STAG1: variants seen among roughly 807,000 people sequenced by gnomAD.
The protein encoded by STAG1 is STAG1 cohesin complex component.
STAG1 carries 26 observed loss-of-function variants against 170.9 expected under a neutral mutation model. The ratio of observed to expected loss-of-function variants is 0.15; its 90% CI spans 0.11 to 0.21. The LOEUF is 0.21. Among genes scored for constraint, STAG1 ranks in the 10% least tolerant of loss-of-function variants. STAG1 has a pLI of 1.00. For synonymous variants in STAG1, 514 were observed against 497.7 expected, an observed-to-expected ratio of 1.03 and a Z score of -0.44; for missense variants, 964 against 1,509.5, an observed-to-expected ratio of 0.64 and a Z score of 5.99.
intron 7 of STAG1, 46 bp downstream of exon 7, chr3:136,521,167 A>T: frequency 6.9e-7 from 1 of 1,453,000 alleles, no homozygotes; most frequent in Non-Finnish European, 9.6e-7. Context: ...AATAAAACAT[A>T]GTCAACAAAA....
intron 1 of STAG1, among the ~76,000 whole-genome samples, chr3:136,734,119 AAAAAC>A (rs760499308): frequency 1.6e-3 from 236 of 147,580 alleles, no homozygotes; most frequent in Middle Eastern, 3.5e-3. Flanking sequence ...AAAAAAAAAA[AAAAAC>A]AAAACAAAAC....
intron 15 of STAG1, among the ~76,000 whole-genome samples, chr3:136,439,361 A>C (rs2088560385): frequency 6.7e-6 from 1 of 149,964 alleles, no homozygotes; most frequent in African/African-American, 2.5e-5. Context: ...TTTATTCAGC[A>C]ACTTGATTTT....
intron 1 of STAG1, among the ~76,000 whole-genome samples, chr3:136,674,663 GT>G (rs1246590730): frequency 6.6e-6 from 1 of 152,120 alleles, no homozygotes; most frequent in South Asian, 2.1e-4. Flanking sequence ...AAATAAAGTT[GT>G]TTTTTAAAAT....
intron 1 of STAG1, among the ~76,000 whole-genome samples, chr3:136,732,359 G>C (rs1050508655): frequency 1.3e-5 from 2 of 151,696 alleles, no homozygotes; most frequent in Non-Finnish European, 2.9e-5. Flanking sequence ...CTTTGCTCTT[G>C]GTTTCATGCC....
At chr3:136,675,579 C>A (rs927140990) in intron 1 of STAG1, among the ~76,000 whole-genome samples, 1 of 152,098 alleles carries the variant, frequency 6.6e-6, no homozygotes, top group Non-Finnish European at 1.5e-5. Flanking sequence ...TAAAATTCAC[C>A]CTTTCAAACT....
At chr3:136,582,107 C>T (rs959811695) in intron 4 of STAG1, among the ~76,000 whole-genome samples, 3 of 149,482 alleles carry the variant, frequency 2.0e-5, no homozygotes, top group Admixed American at 6.8e-5. Context: ...TGACTATATA[C>T]ATTTTACAGT....
At chr3:136,726,783 C>T (rs2107935776) in intron 1 of STAG1, among the ~76,000 whole-genome samples, 1 of 152,274 alleles carries the variant, frequency 6.6e-6, no homozygotes, top group Non-Finnish European at 1.5e-5. Context: ...TCTCATTTCA[C>T]TTATAATAAA....
chr3:136,404,811 A>G (rs1337094648), intron 21 of STAG1, among the ~76,000 whole-genome samples: 1 of 152,142 alleles, frequency 6.6e-6, no homozygotes, highest in African/African-American at 2.4e-5. Context: ...CCTGGAAAAC[A>G]AAGTCTGAAT....
rs556347569 is a variant in STAG1, at chr3:136,587,476, G to A, written c.297+16833C>T. ...AATCGCTTGAACCTGGAAGGTGGAG[G>A]TTGCAGGGAGCCGAGATCACACCAT... On this transcript the variant is annotated intron_variant, in intron 4 of 33. Coordinates refer to ENST00000383202, the MANE Select transcript of STAG1 (RefSeq NM_005862.3). 3.5e-5 allele frequency among the ~76,000 whole-genome samples: 5 copies of A among 142,518 alleles called. No homozygotes were observed. The East Asian group carries it at 1.0e-3, about 29-fold the overall frequency. The allele number at this position is 142,518 out of a possible 152,430, so 93.5% of individuals were successfully genotyped here. A position where few individuals can be genotyped will look rare whatever the true frequency, so the allele number is the denominator to read the frequency against.
At chr3:136,446,976 G>T (rs977665399) in intron 14 of STAG1, among the ~76,000 whole-genome samples, 19 of 147,824 alleles carry the variant, frequency 1.3e-4, no homozygotes, top group African/African-American at 4.7e-4. Flanking sequence ...GCTAATTTTT[G>T]TATTTTTAGT....
At chr3:136,405,366 C>T (rs1462851613) in intron 21 of STAG1, among the ~76,000 whole-genome samples, 8 of 149,338 alleles carry the variant, frequency 5.4e-5, no homozygotes, top group East Asian at 2.0e-4. Flanking sequence ...ATCAGCTTTC[C>T]GAGTAGCTAG....
chr3:136,486,899 T>C (rs1229950992), intron 9 of STAG1, among the ~76,000 whole-genome samples: 1 of 150,630 alleles, frequency 6.6e-6, no homozygotes, highest in African/African-American at 2.4e-5. Flanking sequence ...CTATGCCTAA[T>C]TTCTAACGTC....
At chr3:136,581,426 G>T (rs2107779390) in intron 4 of STAG1, among the ~76,000 whole-genome samples, 1 of 152,028 alleles carries the variant, frequency 6.6e-6, no homozygotes, top group Admixed American at 6.6e-5. Context: ...ATTTTAAAAA[G>T]ATTTTTAAAG....
At chr3:136,466,574 ACT>A (rs943691764) in intron 12 of STAG1, among the ~76,000 whole-genome samples, 3 of 152,196 alleles carry the variant, frequency 2.0e-5, no homozygotes, top group East Asian at 1.9e-4. Context: ...GTTGGAAAAC[ACT>A]CTGCAGGATA....
At chr3:136,559,127 A>ATCTG (rs1217460104) in intron 5 of STAG1, among the ~76,000 whole-genome samples, 8 of 134,270 alleles carry the variant, frequency 6.0e-5, no homozygotes, top group African/African-American at 2.5e-4. Context: ...TGAACTACCT[A>ATCTG]TCTATCTATC....
intron 6 of STAG1, among the ~76,000 whole-genome samples, chr3:136,522,891 C>T (rs1934757936): frequency 6.6e-6 from 1 of 152,162 alleles, no homozygotes; most frequent in Non-Finnish European, 1.5e-5. Context: ...CTACAAAGGA[C>T]ATGAACTCAT....
Position 136,639,478 on chromosome 3 carries a change from A to G in STAG1, c.-83-8497T>C, listed in dbSNP as rs114598930. Among the ~76,000 whole-genome samples the G allele has an allele frequency of 9.8e-3, 1,495 of 152,350 alleles. 15 individuals are homozygous for G. The highest frequency in any genetic ancestry group is 0.016 in the Non-Finnish European group (1,065 of 68,028). On this transcript the variant is annotated intron_variant, in intron 1 of 33. Coordinates refer to ENST00000383202, the MANE Select transcript of STAG1 (RefSeq NM_005862.3). ...TTTACAAATCAATCTACATACTCAT[A>G]CAAATAAGAATTGTGTGACAACTAA...
intron 13 of STAG1, among the ~76,000 whole-genome samples, chr3:136,463,495 A>G (rs1339622261): frequency 2.0e-5 from 3 of 152,122 alleles, no homozygotes; most frequent in African/African-American, 7.2e-5. Flanking sequence ...ATTCAAAGCT[A>G]GTAATTTAAA....
intron 5 of STAG1, among the ~76,000 whole-genome samples, chr3:136,550,662 T>A (rs555051371): frequency 6.6e-6 from 1 of 152,244 alleles, no homozygotes; most frequent in African/African-American, 2.4e-5. Flanking sequence ...TTCTAGAAAT[T>A]TAGTCATTTA....
Sources: gnomAD v4.1 joint callset for allele counts (sites outside exome capture counted in the v4.1 genomes callset) on GRCh38, gnomAD v4.1.1 for gene constraint, MANE v1.5 for transcripts, NCBI Gene and HGNC (gene_info 2026-07-23, HGNC 2026-07-21) for gene names.